The following RPS6KC1 variants were observed in gnomAD, a reference collection of about 807,000 sequenced individuals.
RPS6KC1 encodes the protein ribosomal protein S6 kinase C1.
Under a neutral mutation model 103.8 loss-of-function variants are expected in RPS6KC1, and 54 were observed. The observed-to-expected ratio is 0.52, with a 90% CI of 0.42 to 0.65. RPS6KC1 has a LOEUF of 0.65. Among genes scored for constraint, RPS6KC1 ranks in the 30% least tolerant of loss-of-function variants. The pLI, the probability that RPS6KC1 is intolerant of heterozygous loss-of-function variation, is 0.00. For missense variants in RPS6KC1, 1,151 were observed against 1,253.8 expected (o/e 0.92, Z 1.24); for synonymous variants, 439 against 438.7 (o/e 1.00, Z -0.01).
chr1:213,484,369 G>C, the RPS6KC1 span, among the ~76,000 whole-genome samples: 1 of 152,156 alleles, frequency 6.6e-6, no homozygotes, highest in African/African-American at 2.4e-5. Context: ...CTTCTTCCAT[G>C]CTCACCCACT....
the RPS6KC1 span, among the ~76,000 whole-genome samples, chr1:213,395,236 C>T: frequency 6.6e-6 from 1 of 152,032 alleles, no homozygotes; most frequent in African/African-American, 2.4e-5. Flanking sequence ...TATTCTTGGG[C>T]AAGGTATTAA....
chr1:213,798,498 G>A, the RPS6KC1 span, among the ~76,000 whole-genome samples: 76 of 152,250 alleles, frequency 5.0e-4, no homozygotes, highest in African/African-American at 1.7e-3. Flanking sequence ...TCCCCAGGTG[G>A]CCAGTATACC....
intron 5 of RPS6KC1, 73 bp downstream of exon 5, chr1:213,117,483 A>G (rs2083796368): frequency 2.4e-6 from 2 of 822,348 alleles, no homozygotes; most frequent in Non-Finnish European, 4.0e-6. Context: ...CTGCATTGCA[A>G]AAAGACAGAT....
At chr1:213,602,407 T>C in the RPS6KC1 span, among the ~76,000 whole-genome samples, 1 of 151,450 alleles carries the variant, frequency 6.6e-6, no homozygotes, top group Non-Finnish European at 1.5e-5. Flanking sequence ...CTAGTTTCTC[T>C]TTTTTAGTAG....
the RPS6KC1 span, among the ~76,000 whole-genome samples, chr1:213,627,501 A>T: frequency 6.6e-6 from 1 of 152,136 alleles, no homozygotes; most frequent in Non-Finnish European, 1.5e-5. Flanking sequence ...GTCTTGTGCC[A>T]GTTTTCAAAG....
chr1:213,469,510 A>T, the RPS6KC1 span, among the ~76,000 whole-genome samples: 2 of 152,178 alleles, frequency 1.3e-5, no homozygotes, highest in African/African-American at 4.8e-5. Flanking sequence ...CCCAGGGTAC[A>T]CATGGAAGGG....
the RPS6KC1 span, among the ~76,000 whole-genome samples, chr1:213,626,913 T>C: frequency 6.6e-6 from 1 of 152,224 alleles, no homozygotes; most frequent in African/African-American, 2.4e-5. Flanking sequence ...ATGCGGGCTC[T>C]TTTTTGGTTC....
Position 213,272,801 on chromosome 1 carries a change from A to G in RPS6KC1, c.*167A>G, listed in dbSNP as rs974706292. The stretch of plus-strand genomic sequence containing the variant: ...GCTAAAAGAGAACAATTCGTTTACA[A>G]TTACAAGATATTAGCTAATTGTGCC... On this transcript the variant is annotated 3_prime_UTR_variant, in exon 15 of 15. Transcript: ENST00000366960. 2 of 544,960 alleles carry G rather than the reference A, an allele frequency of 3.7e-6. No homozygotes were observed. Among genetic ancestry groups the G allele is most frequent in the Admixed American group, 3.0e-5 (1 of 33,358 alleles). The allele number at this position is 544,960 out of a possible 1,614,324, so 33.8% of individuals were successfully genotyped here. A position where few individuals can be genotyped will look rare whatever the true frequency, so the allele number is the denominator to read the frequency against.
At chr1:213,057,051 C>G (rs999751124) in intron 1 of RPS6KC1, among the ~76,000 whole-genome samples, 4 of 152,046 alleles carry the variant, frequency 2.6e-5, no homozygotes, top group Admixed American at 2.6e-4. Context: ...GCAATCCTCC[C>G]ACCTCAGCCT....
At chr1:213,671,801 C>G in the RPS6KC1 span, among the ~76,000 whole-genome samples, 2 of 151,942 alleles carry the variant, frequency 1.3e-5, no homozygotes, top group East Asian at 1.9e-4. Flanking sequence ...ACAACAACAA[C>G]AAGAAAACAA....
At chr1:213,382,488 C>T in the RPS6KC1 span, among the ~76,000 whole-genome samples, 1 of 149,458 alleles carries the variant, frequency 6.7e-6, no homozygotes, top group Non-Finnish European at 1.5e-5. Flanking sequence ...AGTAATATTT[C>T]TGGGATGTAG....
intron 4 of RPS6KC1, among the ~76,000 whole-genome samples, chr1:213,112,234 A>G (rs1321689283): frequency 1.3e-5 from 2 of 152,138 alleles, no homozygotes; most frequent in Non-Finnish European, 2.9e-5. Context: ...GAAGGTATTA[A>G]GGAGCAGAAG....
At chr1:213,741,824 G>A in the RPS6KC1 span, among the ~76,000 whole-genome samples, 4 of 152,084 alleles carry the variant, frequency 2.6e-5, no homozygotes, top group South Asian at 4.2e-4. Flanking sequence ...TGCATGACCC[G>A]ATGCAGAGCT....
At chr1:213,290,515 AG>A in the RPS6KC1 span, among the ~76,000 whole-genome samples, 1 of 101,186 alleles carries the variant, frequency 9.9e-6, no homozygotes, top group Non-Finnish European at 2.1e-5. Flanking sequence ...GTGATGTGGA[AG>A]CCTCTGCTTC....
the RPS6KC1 span, among the ~76,000 whole-genome samples, chr1:213,581,322 GTTGT>G: frequency 6.6e-6 from 1 of 152,020 alleles, no homozygotes; most frequent in Non-Finnish European, 1.5e-5. Flanking sequence ...ACATTTTAAT[GTTGT>G]ATTCTTCCTT....
At chr1:213,797,189 A>G in the RPS6KC1 span, among the ~76,000 whole-genome samples, 2 of 152,234 alleles carry the variant, frequency 1.3e-5, no homozygotes, top group African/African-American at 4.8e-5. Context: ...CTGATAAAAT[A>G]AGAACTAAAC....
chr1:213,523,369 A>G, the RPS6KC1 span, among the ~76,000 whole-genome samples: 3 of 152,276 alleles, frequency 2.0e-5, no homozygotes, highest in Non-Finnish European at 4.4e-5. Context: ...TTATCAAAAC[A>G]TGACACAGAG....
At chr1:213,474,271 A>T in the RPS6KC1 span, among the ~76,000 whole-genome samples, 18 of 151,988 alleles carry the variant, frequency 1.2e-4, no homozygotes, top group African/African-American at 4.3e-4. Context: ...CCCAGTTCCC[A>T]AGCAGAGCTG....
chr1:213,290,386 G>A, the RPS6KC1 span, among the ~76,000 whole-genome samples: 1 of 152,130 alleles, frequency 6.6e-6, no homozygotes, highest in Non-Finnish European at 1.5e-5. Flanking sequence ...CAAATGGATA[G>A]GTAAGACTGA....
Sources: allele counts gnomAD v4.1 joint callset (sites outside exome capture counted in the v4.1 genomes callset), GRCh38; gene constraint gnomAD v4.1.1; transcripts MANE v1.5; gene names NCBI Gene and HGNC (gene_info 2026-07-23, HGNC 2026-07-21).